AUTS2: variants seen among roughly 807,000 people sequenced by gnomAD.
AUTS2 encodes activator of transcription and developmental regulator AUTS2.
In AUTS2, 17 loss-of-function variants were observed where a neutral mutation model predicts 112.4. That is an observed-to-expected ratio of 0.15 (90% confidence interval 0.10 to 0.23). AUTS2 has a LOEUF of 0.23. Among genes scored for constraint, AUTS2 ranks in the 10% least tolerant of loss-of-function variants. The pLI, the probability that AUTS2 is intolerant of heterozygous loss-of-function variation, is 1.00. For missense variants in AUTS2, 1,510 were observed against 1,701.6 expected (o/e 0.89, Z 1.98); for synonymous variants, 751 against 702.7 (o/e 1.07, Z -1.09).
intron 4 of AUTS2, among the ~76,000 whole-genome samples, chr7:70,389,998 G>A (rs562536949): frequency 8.5e-5 from 13 of 152,276 alleles, no homozygotes; most frequent in Middle Eastern, 3.4e-3. Flanking sequence ...CATCTTCACC[G>A]TAGCCACCTT....
At chr7:70,103,329 T>C (rs1167505237) in intron 2 of AUTS2, among the ~76,000 whole-genome samples, 1 of 152,142 alleles carries the variant, frequency 6.6e-6, no homozygotes, top group East Asian at 1.9e-4. Context: ...TCCACTTACT[T>C]AACTCTAAAT....
intron 4 of AUTS2, among the ~76,000 whole-genome samples, chr7:70,366,748 G>C (rs1016716167): frequency 6.6e-6 from 1 of 152,164 alleles, no homozygotes; most frequent in Admixed American, 6.5e-5. Flanking sequence ...TTAAGTGACT[G>C]ACCAAATGTG....
intron 5 of AUTS2, among the ~76,000 whole-genome samples, chr7:70,512,822 C>G (rs1015980682): frequency 6.8e-6 from 1 of 148,130 alleles, no homozygotes; most frequent in Non-Finnish European, 1.5e-5. Flanking sequence ...TGTTTCTTCC[C>G]AAAACTCACT....
At chr7:70,118,456 C>CATT (rs1805504103) in intron 3 of AUTS2, 1 of 499,504 alleles carries the variant, frequency 2.0e-6, no homozygotes, top group South Asian at 4.9e-5. Flanking sequence ...TTTGACAAAT[C>CATT]ATTAGGTAGG....
At chr7:70,767,038 T>G (rs767358363) in intron 9 of AUTS2, among the ~76,000 whole-genome samples, 16 of 152,208 alleles carry the variant, frequency 1.1e-4, no homozygotes, top group Non-Finnish European at 2.1e-4. Context: ...TTAATAACGA[T>G]AATTCATAGT....
intron 1 of AUTS2, among the ~76,000 whole-genome samples, chr7:69,896,608 A>G (rs1794752803): frequency 6.6e-6 from 1 of 151,640 alleles, no homozygotes; most frequent in Non-Finnish European, 1.5e-5. Flanking sequence ...AGCTTAGACT[A>G]TTTTAAAGTC....
At chr7:69,895,159 A>G (rs1210964969) in intron 1 of AUTS2, among the ~76,000 whole-genome samples, 1 of 151,778 alleles carries the variant, frequency 6.6e-6, no homozygotes, top group African/African-American at 2.4e-5. Flanking sequence ...CATGTACACA[A>G]CTCTTGTGAC....
At chr7:70,298,140 T>G (rs1005752354) in intron 4 of AUTS2, among the ~76,000 whole-genome samples, 2 of 152,118 alleles carry the variant, frequency 1.3e-5, no homozygotes, top group African/African-American at 4.8e-5. Flanking sequence ...CAAGCAATTC[T>G]TCTGCCTCAG....
intron 6 of AUTS2, among the ~76,000 whole-genome samples, chr7:70,717,706 G>T (rs949159320): frequency 6.6e-6 from 1 of 152,116 alleles, no homozygotes; most frequent in African/African-American, 2.4e-5. Context: ...TCAAGCCCTC[G>T]CCAGCCTCTT....
intron 1 of AUTS2, among the ~76,000 whole-genome samples, chr7:69,782,672 TC>T (rs1789193251): frequency 6.6e-6 from 1 of 151,886 alleles, no homozygotes; most frequent in Admixed American, 6.6e-5. Flanking sequence ...AGGAGGGAAA[TC>T]TACCATTAAA....
At chr7:69,961,531 G>A (rs1470718984) in intron 2 of AUTS2, among the ~76,000 whole-genome samples, 2 of 152,014 alleles carry the variant, frequency 1.3e-5, no homozygotes, top group East Asian at 3.9e-4. Flanking sequence ...AATTTCCTTT[G>A]AATATGTAAC....
chr7:70,404,736 CTTG>C (rs986973970), intron 4 of AUTS2, among the ~76,000 whole-genome samples: 2 of 152,226 alleles, frequency 1.3e-5, no homozygotes, highest in African/African-American at 2.4e-5. Flanking sequence ...TATGTGCCTG[CTTG>C]TTGTTGTTGT....
chr7:70,124,578 T>G (rs1805860231), intron 3 of AUTS2, among the ~76,000 whole-genome samples: 1 of 152,050 alleles, frequency 6.6e-6, no homozygotes, highest in Admixed American at 6.5e-5. Flanking sequence ...TTTTTTTCTT[T>G]TCTGAGATGG....
At chr7:70,064,647 A>C (rs1256830080) in intron 2 of AUTS2, among the ~76,000 whole-genome samples, 1 of 152,208 alleles carries the variant, frequency 6.6e-6, no homozygotes, top group African/African-American at 2.4e-5. Flanking sequence ...TTAATTAGAC[A>C]TAAAGACTTA....
Position 70,790,421 on chromosome 7 carries a change from G to A in AUTS2, c.3205G>A (p.Asp1069Asn). ...ERFPYPSFHW[D>N]PIRDPLRDPY... is the part of the protein sequence containing the mutation. ...CTTCCCGTACCCTTCTTTCCACTGG[G>A]ACCCCATCCGGGACCCCTTGAGGGA... Residue 1069 changes from aspartate to asparagine, a missense_variant, in exon 19 of 19, where the codon GAC (aspartate) becomes AAC (asparagine). Physicochemically the swap from Asp to Asn is conservative, Grantham distance 23. Around this residue, in one of 3 missense-constraint regions of AUTS2, gnomAD observed 788 missense variants for 797.6 expected, o/e 0.99. Coordinates refer to ENST00000342771, the MANE Select transcript of AUTS2 (RefSeq NM_015570.4). This position sits in a 1 kb window ranked among gnomAD's most constrained non-coding sequence, Gnocchi z 7.6. The A allele has an allele frequency of 6.2e-7, 1 of 1,613,134 alleles. No homozygotes were observed. The highest frequency in any genetic ancestry group is 8.5e-7 in the Non-Finnish European group (1 of 1,179,706).
At chr7:70,580,134 G>A (rs973550156) in intron 5 of AUTS2, among the ~76,000 whole-genome samples, 2 of 152,118 alleles carry the variant, frequency 1.3e-5, no homozygotes, top group South Asian at 2.1e-4. Flanking sequence ...GCACATTCCC[G>A]TCTCTTATCA....
intron 4 of AUTS2, among the ~76,000 whole-genome samples, chr7:70,257,571 A>T (rs1273312761): frequency 3.3e-5 from 5 of 150,642 alleles, no homozygotes; most frequent in African/African-American, 1.2e-4. Context: ...GACCGCCTCG[A>T]CCTGCCAAAG....
chr7:70,156,892 A>T (rs976495442), intron 4 of AUTS2, among the ~76,000 whole-genome samples: 2 of 15,766 alleles, frequency 1.3e-4, no homozygotes, highest in African/African-American at 4.9e-4. Flanking sequence ...TACTAAAAGT[A>T]AAAAAAAAAA....
At chr7:69,760,995 A>G (rs1788163589) in intron 1 of AUTS2, among the ~76,000 whole-genome samples, 1 of 152,212 alleles carries the variant, frequency 6.6e-6, no homozygotes, top group African/African-American at 2.4e-5. Context: ...AACAGATTTG[A>G]TGACAGGTAA....
Sources: allele counts gnomAD v4.1 joint callset (sites outside exome capture counted in the v4.1 genomes callset), GRCh38; gene constraint gnomAD v4.1.1; regional missense constraint gnomAD v4.1.1; non-coding constraint Gnocchi (gnomAD v3.1); transcripts MANE v1.5; gene names NCBI Gene and HGNC (gene_info 2026-07-23, HGNC 2026-07-21).